Variants in ADIPOR1 observed in about 807,000 individuals in gnomAD.
The protein encoded by ADIPOR1 is adiponectin receptor protein 1.
In ADIPOR1, 15 loss-of-function variants were observed where a neutral mutation model predicts 37.5. That is an observed-to-expected ratio of 0.40 (90% CI 0.27 to 0.62). ADIPOR1 has a LOEUF of 0.62. ADIPOR1 is among the 20% of genes least tolerant of loss of function. The pLI is 0.42. For missense variants in ADIPOR1, 286 were observed against 478.0 expected, an observed-to-expected ratio of 0.60 and a Z score of 3.75; for synonymous variants, 173 against 173.2, an observed-to-expected ratio of 1.00 and a Z score of 0.01.
chr1:202,941,312 T>C lies in ADIPOR1; in HGVS notation c.*261A>G. ...AATCTCAACATGAGTTTCAAAGTACTGTCTCTGTGAGGGGCCGGTAGATGC... is the reference window on the plus strand; with the variant it reads ...AATCTCAACATGAGTTTCAAAGTACCGTCTCTGTGAGGGGCCGGTAGATGC... On this transcript the variant is annotated 3_prime_UTR_variant, in exon 8 of 8. Coordinates refer to ENST00000340990, the MANE Select transcript of ADIPOR1 (RefSeq NM_015999.6). The C allele has an allele frequency of 3.4e-6, 1 of 297,006 alleles. No individual in the cohort carries two copies. The highest frequency in any genetic ancestry group is 4.9e-5 in the Admixed American group (1 of 20,218). 18.4% of individuals were successfully genotyped at this position (297,006 alleles called of 1,614,324 possible).
intron 1 of ADIPOR1, among the ~76,000 whole-genome samples, chr1:202,954,738 C>A (rs1028365728): frequency 1.3e-5 from 2 of 152,200 alleles, no homozygotes; most frequent in African/African-American, 4.8e-5. Context: ...GTTTGTACTC[C>A]TATAAATAAG....
Position 202,954,954 on chromosome 1 carries a change from C to A in ADIPOR1, c.-95+3231G>T, listed in dbSNP as rs558697779. 1.6e-4 allele frequency among the ~76,000 whole-genome samples: 25 copies of A among 152,266 alleles called. No homozygotes were observed. In the South Asian group the frequency reaches 5.0e-3, roughly 30 times the overall value. ...GGGCCTTTAGAGAGTCTATGGGTAG[C>A]CTCTATCCATACCTAGCTTGATTCT... On this transcript the variant is annotated intron_variant, in intron 1 of 7. Coordinates refer to ENST00000340990, the MANE Select transcript of ADIPOR1 (RefSeq NM_015999.6).
At chr1:202,941,800 A>C in intron 7 of ADIPOR1, 99 bp from the exon 8 acceptor site, 1 of 1,452,848 alleles carries the variant, frequency 6.9e-7, no homozygotes, top group Non-Finnish European at 9.3e-7. Flanking sequence ...TCCTTAATTA[A>C]ACAAATTTGT....
chr1:202,948,561 C>A, intron 2 of ADIPOR1, 141 bp from the exon 3 acceptor site: 1 of 668,560 alleles, frequency 1.5e-6, no homozygotes, highest in Non-Finnish European at 2.7e-6. Flanking sequence ...GTCTCTTCTC[C>A]AAAAGCATAC....
At chr1:202,949,579 C>CAAAAAA (rs57643319) in intron 2 of ADIPOR1, among the ~76,000 whole-genome samples, 7 of 99,116 alleles carry the variant, frequency 7.1e-5, no homozygotes, top group Non-Finnish European at 1.2e-4. Flanking sequence ...ACTCTGTCTC[C>CAAAAAA]AAAAAAAAAA....
intron 3 of ADIPOR1, among the ~76,000 whole-genome samples, chr1:202,947,147 C>CA (rs1358820076): frequency 1.3e-5 from 2 of 151,986 alleles, no homozygotes; most frequent in Admixed American, 1.3e-4. Context: ...AACAAACAAA[C>CA]AAAAAATCTC....
intron 1 of ADIPOR1, among the ~76,000 whole-genome samples, 199 bp downstream of exon 1, chr1:202,957,986 G>T (rs1385579988): frequency 6.6e-6 from 1 of 152,184 alleles, no homozygotes; most frequent in Non-Finnish European, 1.5e-5. Context: ...GCGCGCAGTG[G>T]GAGGGGCCGG....
intron 1 of ADIPOR1, among the ~76,000 whole-genome samples, chr1:202,953,495 A>G (rs1654661224): frequency 6.6e-6 from 1 of 152,238 alleles, no homozygotes; most frequent in Non-Finnish European, 1.5e-5. Flanking sequence ...AAAATGAATG[A>G]ATGAATGGGG....
At chr1:202,953,982 A>G (rs1476758417) in intron 1 of ADIPOR1, among the ~76,000 whole-genome samples, 2 of 152,194 alleles carry the variant, frequency 1.3e-5, no homozygotes, top group African/African-American at 4.8e-5. Flanking sequence ...CATTCTTACT[A>G]ATTTCATCAT....
At chr1:202,953,351 G>A (rs1654656277) in intron 1 of ADIPOR1, among the ~76,000 whole-genome samples, 1 of 151,832 alleles carries the variant, frequency 6.6e-6, no homozygotes. Flanking sequence ...TACTTACTAA[G>A]TTACTGTTGG....
chr1:202,945,093 C>G lies in ADIPOR1; in HGVS notation c.507G>C (p.Glu169Asp). ...PNMYFMAPLQEKVVFGMFFLG... is the reference protein window; with the variant it reads ...PNMYFMAPLQDKVVFGMFFLG... Reference sequence around the variant, plus strand: ...AAAAGAACATCCCAAAAACCACCTTCTCCTGTAGAGGGGCCATGAAGTACA... The same window carrying G: ...AAAAGAACATCCCAAAAACCACCTTGTCCTGTAGAGGGGCCATGAAGTACA... Residue 169 changes from glutamate to aspartate, a missense_variant, in exon 5 of 8, where the codon GAG (glutamate) becomes GAC (aspartate). Transcript: ENST00000340990. 1 of 1,614,162 alleles carries G rather than the reference C, an allele frequency of 6.2e-7. No homozygotes were observed. The highest frequency in any genetic ancestry group is 8.5e-7 in the Non-Finnish European group (1 of 1,180,018).
At chr1:202,947,516 C>CAAA (rs146658257) in intron 3 of ADIPOR1, among the ~76,000 whole-genome samples, 18 of 150,140 alleles carry the variant, frequency 1.2e-4, no homozygotes, top group Non-Finnish European at 2.5e-4. Flanking sequence ...AACTCTGTCT[C>CAAA]AAAAAAATAT....
intron 6 of ADIPOR1, 132 bp from the exon 7 acceptor site, chr1:202,942,350 C>G: frequency 5.1e-6 from 4 of 790,178 alleles, no homozygotes; most frequent in Non-Finnish European, 7.6e-6. Flanking sequence ...GTTTAGGAAA[C>G]TTAGCTACAA....
In ADIPOR1 at chr1:202,953,222, T is replaced by A. The variant is rs2102493381; in HGVS notation, c.-94-2058A>T. Among the ~76,000 whole-genome samples, 2 of 135,284 alleles carry A rather than the reference T, an allele frequency of 1.5e-5. 1 individual carries two copies. Among genetic ancestry groups the A allele is most frequent in the South Asian group, 4.9e-4 (2 of 4,046 alleles). 88.8% of individuals were successfully genotyped at this position (135,284 alleles called of 152,430 possible). A position where few individuals can be genotyped will look rare whatever the true frequency, so the allele number is the denominator to read the frequency against. On this transcript the variant is annotated intron_variant, in intron 1 of 7. Coordinates refer to ENST00000340990, the MANE Select transcript of ADIPOR1 (RefSeq NM_015999.6). ...CTGAATCAGCAGCTTTACTAAAAAA[T>A]ACTTTATATCGCAAGCAAAAAAAAA...
chr1:202,944,445 C>T (rs766747068), intron 5 of ADIPOR1: 18 of 154,128 alleles, frequency 1.2e-4, no homozygotes, highest in Non-Finnish European at 2.5e-4. Flanking sequence ...TAATACACCA[C>T]TGTCGCCACC....
chr1:202,952,122 G>A (rs1439037259), intron 1 of ADIPOR1, among the ~76,000 whole-genome samples: 1 of 151,992 alleles, frequency 6.6e-6, no homozygotes, highest in Non-Finnish European at 1.5e-5. Flanking sequence ...AGGGAAAGAG[G>A]GAGAAAGTTT....
intron 6 of ADIPOR1, among the ~76,000 whole-genome samples, chr1:202,942,931 T>C (rs1017799068): frequency 2.0e-5 from 3 of 151,230 alleles, no homozygotes; most frequent in Non-Finnish European, 2.9e-5. Flanking sequence ...AGTGGCGTGA[T>C]CTTGGCTCAC....
chr1:202,943,984 A>G, intron 5 of ADIPOR1, 39 bp from the exon 6 acceptor site: 1 of 1,560,412 alleles, frequency 6.4e-7, no homozygotes, highest in South Asian at 1.1e-5. Context: ...TCAGTGGGGG[A>G]AATGAATTTG....
At chr1:202,945,448 G>A (rs1269077543) in intron 4 of ADIPOR1, among the ~76,000 whole-genome samples, 1 of 152,152 alleles carries the variant, frequency 6.6e-6, no homozygotes, top group Non-Finnish European at 1.5e-5. Context: ...TATGGAAAAG[G>A]GTATAGAGAT....
Sources: gnomAD v4.1 joint callset for allele counts (sites outside exome capture counted in the v4.1 genomes callset) on GRCh38, gnomAD v4.1.1 for gene constraint, MANE v1.5 for transcripts, NCBI Gene and HGNC (gene_info 2026-07-23, HGNC 2026-07-21) for gene names.